The following FHOD3 variants were observed in gnomAD, a reference collection of about 807,000 sequenced individuals.
FHOD3 encodes formin homology 2 domain containing 3, also known as FH1/FH2 domain-containing protein 3.
In FHOD3, 90 loss-of-function variants were observed where a neutral mutation model predicts 173.0. The ratio of observed to expected loss-of-function variants is 0.52; its 90% CI spans 0.44 to 0.62. The LOEUF (loss-of-function observed/expected upper bound fraction) is 0.62, where lower values mean the gene tolerates loss of function less well. FHOD3 is among the 20% of genes least tolerant of loss of function. The pLI, the probability that FHOD3 is intolerant of heterozygous loss-of-function variation, is 0.00. For synonymous variants in FHOD3, 828 were observed against 823.0 expected, an observed-to-expected ratio of 1.01 and a Z score of -0.10; for missense variants, 1,945 against 2,034.7, an observed-to-expected ratio of 0.96 and a Z score of 0.85.
chr18:36,617,583 CTG>C (rs763613681), intron 9 of FHOD3, among the ~76,000 whole-genome samples: 120 of 116,336 alleles, frequency 1.0e-3, no homozygotes, highest in African/African-American at 3.1e-3. Flanking sequence ...TTGTACTTCC[CTG>C]TGTGTGTGTG....
chr18:36,438,831 C>T (rs966839611), intron 3 of FHOD3, among the ~76,000 whole-genome samples: 53 of 152,220 alleles, frequency 3.5e-4, no homozygotes, highest in African/African-American at 1.2e-3. Context: ...CTTGAGTTTT[C>T]ACTCAGAAAA....
At chr18:36,437,266 G>A (rs2050857402) in intron 3 of FHOD3, among the ~76,000 whole-genome samples, 1 of 152,018 alleles carries the variant, frequency 6.6e-6, no homozygotes, top group South Asian at 2.1e-4. Context: ...TAGAGGGGTG[G>A]GCCACCACAC....
At chr18:36,654,605 T>C (rs1160637617) in intron 13 of FHOD3, among the ~76,000 whole-genome samples, 4 of 152,216 alleles carry the variant, frequency 2.6e-5, no homozygotes, top group African/African-American at 7.2e-5. Context: ...TCAGTTCAAA[T>C]AAGCGAGCTC....
In FHOD3 at chr18:36,718,364, TCCCCCA is replaced by T. The variant is rs1555820507; in HGVS notation, c.3076_3081del (p.Pro1026_Pro1027del). The T allele has an allele frequency of 1.5e-6, 2 of 1,317,208 alleles. No individual in the cohort carries two copies. The highest frequency in any genetic ancestry group is 1.7e-5 in the African/African-American group (1 of 57,632). 81.6% of individuals were successfully genotyped at this position (1,317,208 alleles called of 1,614,324 possible). A position where few individuals can be genotyped will look rare whatever the true frequency, so the allele number is the denominator to read the frequency against. The stretch of plus-strand genomic sequence containing the variant: ...GTCACAGGGAGGCCCCTGGGCCACC[TCCCCCA>T]CCCCCACCCACCTTTCTGGGTTTGC... On this transcript the variant is annotated inframe_deletion, in exon 19 of 29. Coordinates refer to ENST00000590592, the MANE Select transcript of FHOD3 (RefSeq NM_001281740.3).
chr18:36,413,577 G>C (rs1384974186), intron 3 of FHOD3, among the ~76,000 whole-genome samples: 1 of 152,192 alleles, frequency 6.6e-6, no homozygotes, highest in African/African-American at 2.4e-5. Flanking sequence ...TCCCACACCA[G>C]ATCTCTATTT....
chr18:36,720,617 G>C (rs563024402), intron 19 of FHOD3, among the ~76,000 whole-genome samples: 1 of 152,218 alleles, frequency 6.6e-6, no homozygotes, highest in East Asian at 1.9e-4. Flanking sequence ...GTGGTTGCTA[G>C]AAGTTACCCA....
In FHOD3 at chr18:36,634,067, C is replaced by T. The variant is rs377285508; in HGVS notation, c.1196+8318C>T. ...GAAGCCACAGTTAACTATCAATTAT[C>T]GTGAGGCTGTGGAGGAGCAGAGACC... On this transcript the variant is annotated intron_variant, in intron 10 of 28. Transcript: ENST00000590592. Among the ~76,000 whole-genome samples the T allele has an allele frequency of 5.9e-5, 9 of 152,266 alleles. No individual in the cohort carries two copies. In the South Asian group the frequency reaches 1.0e-3, roughly 18 times the overall value.
intron 5 of FHOD3, among the ~76,000 whole-genome samples, chr18:36,524,888 T>G (rs566934090): frequency 1.3e-5 from 2 of 152,282 alleles, no homozygotes; most frequent in Admixed American, 6.5e-5. Flanking sequence ...AGTCAGTCAC[T>G]TTGGGGTCTG....
chr18:36,366,425 C>T (rs1448396683), intron 2 of FHOD3, among the ~76,000 whole-genome samples: 3 of 152,182 alleles, frequency 2.0e-5, no homozygotes, highest in Non-Finnish European at 2.9e-5. Context: ...GCATTTATCA[C>T]ATGCCAGCCA....
At chr18:36,370,589 C>T (rs2047133390) in intron 2 of FHOD3, among the ~76,000 whole-genome samples, 1 of 152,158 alleles carries the variant, frequency 6.6e-6, no homozygotes, top group South Asian at 2.1e-4. Flanking sequence ...GAAGGGGCAA[C>T]CAATGGACTC....
At position 36,598,663 on chromosome 18, in the gene FHOD3, G is replaced by C. The variant is rs148279052; in HGVS notation, c.718+3765G>C. Reference sequence around the variant, plus strand: ...CACCTCTGCGTTACGCCATTCTTCTGCCTCAGCCTCCCGAGTAGTTGCACT... The same window carrying C: ...CACCTCTGCGTTACGCCATTCTTCTCCCTCAGCCTCCCGAGTAGTTGCACT... On this transcript the variant is annotated intron_variant, in intron 7 of 28. Transcript: ENST00000590592. 1.8e-4 allele frequency among the ~76,000 whole-genome samples: 27 copies of C among 151,900 alleles called. No homozygotes were observed. The East Asian group carries it at 5.1e-3, about 28-fold the overall frequency.
chr18:36,656,476 CTAAA>C (rs1488878538), intron 13 of FHOD3, among the ~76,000 whole-genome samples: 1 of 152,108 alleles, frequency 6.6e-6, no homozygotes, highest in African/African-American at 2.4e-5. Context: ...CCATGTGACA[CTAAA>C]TAAATAAGGA....
chr18:36,651,239 G>A (rs974768605), intron 11 of FHOD3, among the ~76,000 whole-genome samples: 1 of 152,098 alleles, frequency 6.6e-6, no homozygotes, highest in Non-Finnish European at 1.5e-5. Flanking sequence ...TACAAGCAGA[G>A]CTCTGAATTT....
chr18:36,757,535 C>T (rs754394335), intron 25 of FHOD3, among the ~76,000 whole-genome samples: 20 of 152,186 alleles, frequency 1.3e-4, no homozygotes, highest in Admixed American at 2.6e-4. Context: ...CTTAGAATCA[C>T]GGACCCCCTG....
chr18:36,571,328 CAT>C (rs962269443), intron 5 of FHOD3, among the ~76,000 whole-genome samples: 35 of 152,230 alleles, frequency 2.3e-4, no homozygotes, highest in African/African-American at 8.4e-4. Context: ...CCCAAACAAA[CAT>C]ATATTGCATC....
chr18:36,726,262 C>T (rs2041063095), intron 19 of FHOD3, among the ~76,000 whole-genome samples: 1 of 151,862 alleles, frequency 6.6e-6, no homozygotes, highest in Non-Finnish European at 1.5e-5. Context: ...CTCATTTATC[C>T]AAGTCTTCTT....
At chr18:36,547,184 G>A (rs2057445150) in intron 5 of FHOD3, among the ~76,000 whole-genome samples, 1 of 152,104 alleles carries the variant, frequency 6.6e-6, no homozygotes, top group Non-Finnish European at 1.5e-5. Flanking sequence ...TGTGGGTGAG[G>A]AGAGGCCAAG....
intron 8 of FHOD3, among the ~76,000 whole-genome samples, chr18:36,607,999 C>T (rs74744053): frequency 0.026 from 4,007 of 152,290 alleles, 183 homozygotes; most frequent in African/African-American, 0.092. Context: ...CTTCTGAGCT[C>T]CCACCAGAGT....
intron 19 of FHOD3, among the ~76,000 whole-genome samples, chr18:36,729,199 C>T (rs1329705660): frequency 6.6e-6 from 1 of 152,174 alleles, no homozygotes; most frequent in Non-Finnish European, 1.5e-5. Flanking sequence ...CACAGTGCCT[C>T]ATTCATCTTT....
Sources: allele counts gnomAD v4.1 joint callset (sites outside exome capture counted in the v4.1 genomes callset), GRCh38; gene constraint gnomAD v4.1.1; transcripts MANE v1.5; gene names NCBI Gene and HGNC (gene_info 2026-07-23, HGNC 2026-07-21).